The following SYN2 variants were observed in gnomAD, a reference collection of about 807,000 sequenced individuals.
SYN2 encodes synapsin II, also known as synapsin-2.
SYN2 carries 19 observed loss-of-function variants against 50.9 expected under a neutral mutation model. The ratio of observed to expected loss-of-function variants is 0.37; its 90% CI spans 0.26 to 0.55. The LOEUF (loss-of-function observed/expected upper bound fraction) is 0.55, where lower values mean the gene tolerates loss of function less well. SYN2 is among the 20% of genes least tolerant of loss of function. The pLI is 0.81. For missense variants in SYN2, 587 were observed against 576.4 expected, an observed-to-expected ratio of 1.02 and a Z score of -0.19; for synonymous variants, 255 against 224.9, an observed-to-expected ratio of 1.13 and a Z score of -1.20.
intron 1 of SYN2, among the ~76,000 whole-genome samples, chr3:12,129,669 A>T (rs1311085403): frequency 6.6e-6 from 1 of 152,010 alleles, no homozygotes; most frequent in Non-Finnish European, 1.5e-5. Context: ...AACATATGGT[A>T]TTGTGTATTT....
At chr3:12,145,927 C>T (rs1388804228) in intron 4 of SYN2, 92 bp downstream of exon 4, 39 of 1,554,188 alleles carry the variant, frequency 2.5e-5, no homozygotes, top group Non-Finnish European at 3.2e-5. Flanking sequence ...GCAGTAGGCC[C>T]CAGCCCCAGG....
Position 12,077,567 on chromosome 3 carries a change from G to C in SYN2, c.378-63084G>C, listed in dbSNP as rs113083324. On this transcript the variant is annotated intron_variant, in intron 1 of 12. Coordinates refer to ENST00000621198, the MANE Select transcript of SYN2 (RefSeq NM_133625.6). ...CTTCTACTTACAAGTGAGAATATGC[G>C]GTGTTTGGTTTTCTGTTCCTGTGTT... Among the ~76,000 whole-genome samples, 7 of 152,092 alleles carry C rather than the reference G, an allele frequency of 4.6e-5. No individual in the cohort carries two copies. The South Asian group carries it at 1.4e-3, about 31-fold the overall frequency.
intron 9 of SYN2, among the ~76,000 whole-genome samples, chr3:12,168,730 C>T (rs1697868578): frequency 6.6e-6 from 1 of 152,178 alleles, no homozygotes; most frequent in Non-Finnish European, 1.5e-5. Context: ...CAGAAAGCCA[C>T]CCTTGGGAGT....
chr3:12,161,853 A>C (rs1399335623), intron 6 of SYN2, 159 bp from the exon 7 acceptor site: 1 of 1,135,040 alleles, frequency 8.8e-7, no homozygotes, highest in Non-Finnish European at 1.2e-6. Context: ...CTGGGAAGGG[A>C]AGCTAGGGAG....
chr3:12,047,323 A>G (rs942752621), intron 1 of SYN2, among the ~76,000 whole-genome samples: 7 of 147,836 alleles, frequency 4.7e-5, no homozygotes, highest in African/African-American at 1.5e-4. Context: ...GATGGTGGGA[A>G]GTTGAGGATG....
At chr3:12,180,573 A>C (rs1313385698) in intron 10 of SYN2, among the ~76,000 whole-genome samples, 1 of 152,188 alleles carries the variant, frequency 6.6e-6, no homozygotes, top group Non-Finnish European at 1.5e-5. Flanking sequence ...AGGTGGAGCC[A>C]GGGTGTCTCA....
chr3:12,100,302 A>G (rs1433373471), intron 1 of SYN2, among the ~76,000 whole-genome samples: 1 of 152,212 alleles, frequency 6.6e-6, no homozygotes, highest in Non-Finnish European at 1.5e-5. Flanking sequence ...TATAGATTAA[A>G]GAAATAGAAT....
chr3:12,139,264 G>A (rs1396885442), intron 1 of SYN2, among the ~76,000 whole-genome samples: 1 of 152,214 alleles, frequency 6.6e-6, no homozygotes, highest in Non-Finnish European at 1.5e-5. Context: ...TAGTTGACAG[G>A]AACCAGGGTA....
chr3:12,185,721 T>C (rs1698329394), intron 11 of SYN2: 9 of 985,784 alleles, frequency 9.1e-6, no homozygotes, highest in Admixed American at 6.1e-5. Flanking sequence ...GGAAAAGTTA[T>C]ATCTGTCTTC....
At chr3:12,066,923 T>C (rs1005032473) in intron 1 of SYN2, among the ~76,000 whole-genome samples, 1 of 152,152 alleles carries the variant, frequency 6.6e-6, no homozygotes, top group Admixed American at 6.5e-5. Flanking sequence ...TGTAGAATCA[T>C]GGCAGAAGTG....
intron 12 of SYN2, 89 bp from the exon 13 acceptor site, chr3:12,190,401 G>A: frequency 1.4e-6 from 2 of 1,475,206 alleles, no homozygotes; most frequent in Non-Finnish European, 1.9e-6. Flanking sequence ...GGGAGTGGGG[G>A]TTCTAGCTGT....
intron 1 of SYN2, among the ~76,000 whole-genome samples, chr3:12,020,273 C>T (rs1694104940): frequency 6.6e-6 from 1 of 152,148 alleles, no homozygotes; most frequent in African/African-American, 2.4e-5. Flanking sequence ...TAAGTTCCTA[C>T]TAAAAAGACT....
rs761074528 is a variant in SYN2, at chr3:12,158,966, G to A, written c.775-2580G>A. The stretch of plus-strand genomic sequence containing the variant: ...TGAGGTGGCCCTAAGGGCCAATCCC[G>A]CCCCGACGGGCTCCGCCTTCCTTTG... On this transcript the variant is annotated intron_variant, in intron 5 of 12. Transcript: ENST00000621198. 511 of 1,338,882 alleles carry A rather than the reference G, an allele frequency of 3.8e-4. 3 individuals are homozygous for A. The highest frequency in any genetic ancestry group is 7.9e-4 in the Admixed American group (25 of 31,458). 82.9% of individuals were successfully genotyped at this position (1,338,882 alleles called of 1,614,324 possible).
intron 1 of SYN2, among the ~76,000 whole-genome samples, chr3:12,117,259 T>C (rs779498732): frequency 1.3e-5 from 2 of 152,218 alleles, no homozygotes; most frequent in Admixed American, 6.5e-5. Flanking sequence ...AGCTTAAATA[T>C]GGGATCACTG....
intron 5 of SYN2, among the ~76,000 whole-genome samples, chr3:12,153,907 T>C (rs1022595215): frequency 6.6e-6 from 1 of 152,206 alleles, no homozygotes; most frequent in African/African-American, 2.4e-5. Flanking sequence ...CTTAGTGGCA[T>C]CTCTGGAGTC....
In SYN2 at chr3:12,136,551, A is replaced by AAAAGAG. The variant is rs565400955; in HGVS notation, c.378-4100_378-4099insAAAGAG. Among the ~76,000 whole-genome samples, 57 of 152,346 alleles carry AAAAGAG rather than the reference A, an allele frequency of 3.7e-4. No homozygotes were observed. The South Asian group carries it at 9.1e-3, about 24-fold the overall frequency. ...GCATAAAAGAGGGCGTATTTAAGCTAGGCTTGCCTGGGTTGGGCCAAGTTT... is the reference window on the plus strand; with the variant it reads ...GCATAAAAGAGGGCGTATTTAAGCTAAAAGAGGGCTTGCCTGGGTTGGGCCAAGTTT... On this transcript the variant is annotated intron_variant, in intron 1 of 12. Transcript: ENST00000621198.
intron 4 of SYN2, among the ~76,000 whole-genome samples, chr3:12,146,848 T>C (rs1187797719): frequency 6.6e-6 from 1 of 152,196 alleles, no homozygotes; most frequent in East Asian, 1.9e-4. Context: ...TACTTCAGGC[T>C]GGCCCTCTCA....
intron 1 of SYN2, among the ~76,000 whole-genome samples, chr3:12,046,406 T>G (rs1248866607): frequency 1.3e-5 from 2 of 151,870 alleles, no homozygotes; most frequent in African/African-American, 4.8e-5. Context: ...GTGACTGGAA[T>G]GTAGAGAGGG....
At chr3:12,171,697 C>T (rs1403246404) in intron 10 of SYN2, among the ~76,000 whole-genome samples, 1 of 152,196 alleles carries the variant, frequency 6.6e-6, no homozygotes, top group African/African-American at 2.4e-5. Context: ...CACCAGGTGA[C>T]CTTGGGTAGG....
Sources: gnomAD v4.1 joint callset for allele counts (sites outside exome capture counted in the v4.1 genomes callset) on GRCh38, gnomAD v4.1.1 for gene constraint, MANE v1.5 for transcripts, NCBI Gene and HGNC (gene_info 2026-07-23, HGNC 2026-07-21) for gene names.